MRPL53: variants seen among roughly 807,000 people sequenced by gnomAD.
MRPL53 encodes large ribosomal subunit protein mL53.
Under a neutral mutation model 7.5 loss-of-function variants are expected in MRPL53, and 7 were observed. The ratio of observed to expected loss-of-function variants is 0.93; its 90% CI spans 0.53 to 1.75. The LOEUF is 1.75. Among genes scored for constraint, MRPL53 ranks in the 40% most tolerant of loss-of-function variants. The pLI is 0.00. For synonymous variants in MRPL53, 84 were observed against 64.4 expected (o/e 1.30, Z -1.46); for missense variants, 185 against 159.0 (o/e 1.16, Z -0.88).
Position 74,472,227 on chromosome 2 carries a change from G to A in MRPL53, c.231C>T (p.Arg77=), listed in dbSNP as rs778455139. The change falls in exon 3 of 3, where the codon CGC becomes CGT. Residue 77 remains arginine, a synonymous_variant. Coordinates refer to ENST00000258105, the MANE Select transcript of MRPL53 (RefSeq NM_053050.5). ...LFGDGHRLIM[R]GAHLTALEML... ...TTTCCAGAGCGGTGAGATGAGCGCC[G>A]CGCATAATCAGGCGATGCCCGTCTC... 3 of 1,614,174 alleles carry A rather than the reference G, an allele frequency of 1.9e-6. No individual in the cohort carries two copies. Among genetic ancestry groups the A allele is most frequent in the Non-Finnish European group, 2.5e-6 (3 of 1,180,032 alleles).
rs1227549909 is a variant in MRPL53, at chr2:74,472,662, G to C, written c.-2C>G. 16 of 1,614,128 alleles carry C rather than the reference G, an allele frequency of 9.9e-6. No individual in the cohort carries two copies. Among genetic ancestry groups the C allele is most frequent in the African/African-American group, 6.7e-5 (5 of 74,952 alleles). On this transcript the variant is annotated 5_prime_UTR_variant, in exon 1 of 3. Transcript: ENST00000258105. ...AAGCCGAGCCAAGGCAGCTGCCATG[G>C]TGACCTCCGCCCCGGAAGAACTCGT...
Position 74,472,019 on chromosome 2 carries a change from G to T in MRPL53, c.*100C>A. The T allele has an allele frequency of 6.7e-7, 1 of 1,501,254 alleles. No individual in the cohort carries two copies. Among genetic ancestry groups the T allele is most frequent in the Non-Finnish European group, 9.1e-7 (1 of 1,101,616 alleles). 93.0% of individuals were successfully genotyped at this position (1,501,254 alleles called of 1,614,324 possible). On this transcript the variant is annotated 3_prime_UTR_variant, in exon 3 of 3. Transcript: ENST00000258105. ...GGTTTTAAACTTTATTTTGCGCTCCGTGACCCTTCAGATAGTGATTTGAAT... is the reference window on the plus strand; with the variant it reads ...GGTTTTAAACTTTATTTTGCGCTCCTTGACCCTTCAGATAGTGATTTGAAT...
In MRPL53 at chr2:74,472,151, C is replaced by G. The variant is rs1558569854; in HGVS notation, c.307G>C (p.Gly103Arg). 7 of 1,614,078 alleles carry G rather than the reference C, an allele frequency of 4.3e-6. No individual in the cohort carries two copies. Among genetic ancestry groups the G allele is most frequent in the East Asian group, 2.2e-5 (1 of 44,902 alleles). The change falls in exon 3 of 3, where the codon GGG (glycine) becomes CGG (arginine). Residue 103 changes from glycine (G) to arginine (R), a missense_variant. By Grantham distance (125) the Gly-to-Arg change is moderately radical. Coordinates refer to ENST00000258105, the MANE Select transcript of MRPL53 (RefSeq NM_053050.5). ...HIRARDAAGSGDKPGADTGR is the reference protein window; with the variant it reads ...HIRARDAAGSRDKPGADTGR ...CCAGTATCAGCGCCCGGCTTGTCCC[C>G]GCTGCCCGCCGCGTCCCTGGCCCGG...
chr2:74,472,579 C>G lies in MRPL53; in HGVS notation c.82G>C (p.Glu28Gln). Residue 28 changes from glutamate to glutamine, a missense_variant, in exon 1 of 3, where the codon GAA (glutamate) becomes CAA (glutamine). Transcript: ENST00000258105. Reference protein sequence around the residue: ...VQFCPFEKNVESTRTFLQTVS... With the variant: ...VQFCPFEKNVQSTRTFLQTVS... ...ACTTCCCCTTCGTACCTCGTCGATT[C>G]CACGTTTTTCTCGAAGGGACAGAAC... 1 of 1,614,248 alleles carries G rather than the reference C, an allele frequency of 6.2e-7. No individual in the cohort carries two copies. The highest frequency in any genetic ancestry group is 8.5e-7 in the Non-Finnish European group (1 of 1,180,046).
At position 74,472,384 on chromosome 2, in the gene MRPL53, G is replaced by A. The variant is rs1187269862; in HGVS notation, c.179C>T (p.Ser60Phe). ...SVIADVRHDG[S>F]EPCVDVLFGD... Reference sequence around the variant, plus strand: ...GAACAGCACGTCCACGCAGGGCTCGGAGCCGTCATGCCTCACGTCCGCAAT... The same window carrying A: ...GAACAGCACGTCCACGCAGGGCTCGAAGCCGTCATGCCTCACGTCCGCAAT... Residue 60 changes from serine to phenylalanine, a missense_variant, in exon 2 of 3, where the codon TCC becomes TTC. Transcript: ENST00000258105. The A allele has an allele frequency of 2.5e-6, 4 of 1,613,894 alleles. No homozygotes were observed. In the East Asian group the frequency reaches 6.7e-5, roughly 27 times the overall value.
rs1429096864 is a variant in MRPL53 at position 74,472,109 on chromosome 2, T to G, written c.*10A>C. The stretch of plus-strand genomic sequence containing the variant: ...ACGCTAAAATCATCTTGTTGGTCTC[T>G]TTGGCGCTGTCAGCGACCAGTATCA... On this transcript the variant is annotated 3_prime_UTR_variant, in exon 3 of 3. Coordinates refer to ENST00000258105, the MANE Select transcript of MRPL53 (RefSeq NM_053050.5). The G allele has an allele frequency of 6.2e-7, 1 of 1,613,626 alleles. No homozygotes were observed. Among genetic ancestry groups the G allele is most frequent in the African/African-American group, 1.3e-5 (1 of 74,918 alleles).
rs1317760857 is a variant in MRPL53 at position 74,472,396 on chromosome 2, C to T, written c.167G>A (p.Arg56Lys). The change falls in exon 2 of 3, where the codon AGG (arginine) becomes AAG (lysine). Residue 56 changes from arginine (R) to lysine (K), a missense_variant. Physicochemically the swap from Arg to Lys is conservative, Grantham distance 26. Coordinates refer to ENST00000258105, the MANE Select transcript of MRPL53 (RefSeq NM_053050.5). ...NLNCSVIADV[R>K]HDGSEPCVDV... ...CACGCAGGGCTCGGAGCCGTCATGC[C>T]TCACGTCCGCAATCACTGAGCAGTT... The T allele has an allele frequency of 4.3e-6, 7 of 1,613,918 alleles. No homozygotes were observed. Among genetic ancestry groups the T allele is most frequent in the Non-Finnish European group, 5.9e-6 (7 of 1,179,942 alleles).
chr2:74,472,634 A>G lies in MRPL53; in HGVS notation c.27T>C (p.Gly9=), dbSNP rs771713387. The stretch of plus-strand genomic sequence containing the variant: ...CCCGAACCTGTTTGACAGGCCGCAG[A>G]CCAAGCCGAGCCAAGGCAGCTGCCA... MAAALARL[G]LRPVKQVRVQ... Residue 9 remains glycine (G), a synonymous_variant, in exon 1 of 3, where the codon GGT becomes GGC. Coordinates refer to ENST00000258105, the MANE Select transcript of MRPL53 (RefSeq NM_053050.5). 6 of 1,614,098 alleles carry G rather than the reference A, an allele frequency of 3.7e-6. No individual in the cohort carries two copies. The highest frequency in any genetic ancestry group is 2.2e-5 in the South Asian group (2 of 91,096).
Position 74,472,646 on chromosome 2 carries a change from C to T in MRPL53, c.15G>A (p.Leu5=), listed in dbSNP as rs758825200. MAAA[L]ARLGLRPVKQ... The stretch of plus-strand genomic sequence containing the variant: ...TGACAGGCCGCAGACCAAGCCGAGC[C>T]AAGGCAGCTGCCATGGTGACCTCCG... Residue 5 remains leucine (L), a synonymous_variant, in exon 1 of 3, where the codon TTG becomes TTA. Coordinates refer to ENST00000258105, the MANE Select transcript of MRPL53 (RefSeq NM_053050.5). The T allele has an allele frequency of 1.2e-6, 2 of 1,614,252 alleles. No individual in the cohort carries two copies.
rs78834087 is a variant in MRPL53 at position 74,472,468 on chromosome 2, G to T, written c.95C>A (p.Thr32Asn). ...CTCACTGCTCACCGTCTGCAGGAAG[G>T]TCCTACGGTGGAAAAACAGAGGAGC... ...PFEKNVESTR[T>N]FLQTVSSEKV... The change falls in exon 2 of 3, where the codon ACC becomes AAC. Residue 32 changes from threonine to asparagine, a missense_variant and splice_region_variant. Physicochemically the swap from Thr to Asn is moderately conservative, Grantham distance 65. Transcript: ENST00000258105. 26,693 of 1,613,994 alleles carry T rather than the reference G, an allele frequency of 0.017. 298 individuals are homozygous for T. The highest frequency in any genetic ancestry group is 0.018 in the Non-Finnish European group (21,748 of 1,179,856).
Position 74,472,154 on chromosome 2 carries a change from T to C in MRPL53, c.304A>G (p.Ser102Gly). 6.2e-7 allele frequency: 1 copy of C among 1,614,196 alleles called. No individual in the cohort carries two copies. The highest frequency in any genetic ancestry group is 1.3e-5 in the African/African-American group (1 of 75,066). The change falls in exon 3 of 3, where the codon AGC becomes GGC. Residue 102 changes from serine (S) to glycine (G), a missense_variant. By Grantham distance (56) the Ser-to-Gly change is moderately conservative. Coordinates refer to ENST00000258105, the MANE Select transcript of MRPL53 (RefSeq NM_053050.5). The stretch of plus-strand genomic sequence containing the variant: ...GTATCAGCGCCCGGCTTGTCCCCGC[T>C]GCCCGCCGCGTCCCTGGCCCGGATG... Reference protein sequence around the residue: ...SHIRARDAAGSGDKPGADTGR With the variant: ...SHIRARDAAGGGDKPGADTGR
chr2:74,472,661 G>T lies in MRPL53; in HGVS notation c.-1C>A. The T allele has an allele frequency of 6.2e-7, 1 of 1,614,250 alleles. No homozygotes were observed. The highest frequency in any genetic ancestry group is 8.5e-7 in the Non-Finnish European group (1 of 1,180,032). ...CAAGCCGAGCCAAGGCAGCTGCCAT[G>T]GTGACCTCCGCCCCGGAAGAACTCG... On this transcript the variant is annotated 5_prime_UTR_variant, in exon 1 of 3. Coordinates refer to ENST00000258105, the MANE Select transcript of MRPL53 (RefSeq NM_053050.5).
chr2:74,472,641 C>A lies in MRPL53; in HGVS notation c.20G>T (p.Arg7Leu). 1.9e-6 allele frequency: 3 copies of A among 1,614,224 alleles called. No homozygotes were observed. Among genetic ancestry groups the A allele is most frequent in the South Asian group, 2.2e-5 (2 of 91,086 alleles). ...CTGTTTGACAGGCCGCAGACCAAGC[C>A]GAGCCAAGGCAGCTGCCATGGTGAC... MAAALARLGLRPVKQVR... is the reference protein window; with the variant it reads MAAALALLGLRPVKQVR... Residue 7 changes from arginine to leucine, a missense_variant, in exon 1 of 3, where the codon CGG becomes CTG. Transcript: ENST00000258105.
rs564806090 is a variant in MRPL53 at position 74,472,365 on chromosome 2, C to G, written c.198G>C (p.Val66=). Residue 66 remains valine, a synonymous_variant, in exon 2 of 3, where the codon GTG becomes GTC. Transcript: ENST00000258105. ...RHDGSEPCVD[V]LFGDGHRLIM... ...CGTCTCCACCAAGCCCACCGAACAG[C>G]ACGTCCACGCAGGGCTCGGAGCCGT... 111 of 1,613,912 alleles carry G rather than the reference C, an allele frequency of 6.9e-5. 2 individuals carry two copies. The East Asian group carries it at 2.5e-3, about 36-fold the overall frequency.
At position 74,472,262 on chromosome 2, in the gene MRPL53, A is replaced by G. The variant is rs1206816433; in HGVS notation, c.206-10T>C. 2 of 1,613,916 alleles carry G rather than the reference A, an allele frequency of 1.2e-6. No individual in the cohort carries two copies. The highest frequency in any genetic ancestry group is 1.7e-6 in the Non-Finnish European group (2 of 1,179,970). On this transcript the variant is annotated splice_polypyrimidine_tract_variant and intron_variant, in intron 2 of 2. Coordinates refer to ENST00000258105, the MANE Select transcript of MRPL53 (RefSeq NM_053050.5). ...AGGCGATGCCCGTCTCCTGGGGAAG[A>G]AACAAACGAGTGAGACAGGGAGGGA...
Position 74,472,060 on chromosome 2 carries a change from T to G in MRPL53, c.*59A>C, listed in dbSNP as rs1572926095. On this transcript the variant is annotated 3_prime_UTR_variant, in exon 3 of 3. Coordinates refer to ENST00000258105, the MANE Select transcript of MRPL53 (RefSeq NM_053050.5). Reference sequence around the variant, plus strand: ...TGATTTGAATGATTAAGTGAAACTCTTCTTAGGTTAAGTGTCCTAGTCCAC... The same window carrying G: ...TGATTTGAATGATTAAGTGAAACTCGTCTTAGGTTAAGTGTCCTAGTCCAC... The G allele has an allele frequency of 6.3e-7, 1 of 1,597,774 alleles. No homozygotes were observed.
chr2:74,472,615 C>T lies in MRPL53; in HGVS notation c.46G>A (p.Val16Ile), dbSNP rs778079553. Residue 16 changes from valine (V) to isoleucine (I), a missense_variant, in exon 1 of 3, where the codon GTT becomes ATT. Transcript: ENST00000258105. ...TCGAAGGGACAGAACTGAACCCGAA[C>T]CTGTTTGACAGGCCGCAGACCAAGC... ...ARLGLRPVKQ[V>I]RVQFCPFEKN... 6.2e-7 allele frequency: 1 copy of T among 1,614,252 alleles called. No homozygotes were observed. Among genetic ancestry groups the T allele is most frequent in the South Asian group, 1.1e-5 (1 of 91,090 alleles).
At position 74,472,172 on chromosome 2, in the gene MRPL53, C is replaced by T. The variant is rs1672191775; in HGVS notation, c.286G>A (p.Ala96Thr). The T allele has an allele frequency of 1.2e-6, 2 of 1,614,200 alleles. No individual in the cohort carries two copies. The highest frequency in any genetic ancestry group is 1.7e-6 in the Non-Finnish European group (2 of 1,180,044). The change falls in exon 3 of 3, where the codon GCC (alanine) becomes ACC (threonine). Residue 96 changes from alanine to threonine, a missense_variant. Coordinates refer to ENST00000258105, the MANE Select transcript of MRPL53 (RefSeq NM_053050.5). ...TCCCCGCTGCCCGCCGCGTCCCTGG[C>T]CCGGATGTGGGAGGCGAAGGCGGTG... ...MLTAFASHIR[A>T]RDAAGSGDKP... is the part of the protein sequence containing the mutation.
Position 74,472,339 on chromosome 2 carries a change from C to T in MRPL53, c.205+19G>A. The T allele has an allele frequency of 6.2e-7, 1 of 1,613,014 alleles. No individual in the cohort carries two copies. Among genetic ancestry groups the T allele is most frequent in the Non-Finnish European group, 8.5e-7 (1 of 1,179,532 alleles). On this transcript the variant is annotated intron_variant, in intron 2 of 2. Coordinates refer to ENST00000258105, the MANE Select transcript of MRPL53 (RefSeq NM_053050.5). Reference sequence around the variant, plus strand: ...CGGGCTGCTCGCTGTTCCCTCCTGCCCGTCTCCACCAAGCCCACCGAACAG... The same window carrying T: ...CGGGCTGCTCGCTGTTCCCTCCTGCTCGTCTCCACCAAGCCCACCGAACAG...
Sources: gnomAD v4.1 joint callset for allele counts on GRCh38, gnomAD v4.1.1 for gene constraint, MANE v1.5 for transcripts, NCBI Gene and HGNC (gene_info 2026-07-23, HGNC 2026-07-21) for gene names.